PCDHGA8: variants seen among roughly 807,000 people sequenced by gnomAD.
The protein encoded by PCDHGA8 is protocadherin gamma-A8.
Under a neutral mutation model 59.2 loss-of-function variants are expected in PCDHGA8, and 45 were observed. That is an observed-to-expected ratio of 0.76 (90% confidence interval 0.60 to 0.98). The LOEUF is 0.98. Among genes scored for constraint, PCDHGA8 ranks in the 50% least tolerant of loss-of-function variants. The pLI, the probability that PCDHGA8 is intolerant of heterozygous loss-of-function variation, is 0.00. For missense variants in PCDHGA8, 1,257 were observed against 1,196.2 expected, an observed-to-expected ratio of 1.05 and a Z score of -0.75; for synonymous variants, 531 against 519.0, an observed-to-expected ratio of 1.02 and a Z score of -0.32.
At position 141,489,314 on chromosome 5, in the gene PCDHGA8, G is replaced by C. The variant is rs374235290; in HGVS notation, c.2425-5493G>C. The stretch of plus-strand genomic sequence containing the variant: ...TGCATGTTGTCCTTGTGCTGCTGGG[G>C]CTGGGTGTCTGGGCAGCTTCGTTAC... On this transcript the variant is annotated intron_variant, in intron 1 of 3. Coordinates refer to ENST00000398604, the MANE Select transcript of PCDHGA8 (RefSeq NM_032088.2). This position sits in a 1 kb window ranked among gnomAD's most constrained non-coding sequence, Gnocchi z 4.5. 2 of 1,596,790 alleles carry C rather than the reference G, an allele frequency of 1.3e-6. No homozygotes were observed. The highest frequency in any genetic ancestry group is 2.2e-5 in the East Asian group (1 of 44,724).
chr5:141,427,704 G>A (rs2097059746), intron 1 of PCDHGA8: 1 of 966,116 alleles, frequency 1.0e-6, no homozygotes, highest in Non-Finnish European at 1.6e-6. Flanking sequence ...ACAAGTCAGC[G>A]CCTCTGACCT....
chr5:141,497,702 G>A (rs904199928), intron 2 of PCDHGA8, among the ~76,000 whole-genome samples: 16 of 152,054 alleles, frequency 1.1e-4, no homozygotes, highest in African/African-American at 3.9e-4. Context: ...ACCACACCCA[G>A]CTCATTTTTG....
chr5:141,423,749 T>TG, intron 1 of PCDHGA8: 2 of 272,262 alleles, frequency 7.3e-6, no homozygotes, highest in Non-Finnish European at 4.7e-6. Flanking sequence ...TGAAAACTGT[T>TG]TGGGGGGGGG....
rs1246198657 is a variant in PCDHGA8 at position 141,505,401 on chromosome 5, A to T, written c.2492A>T (p.Asn831Ile). The change falls in exon 3 of 4, where the codon AAT (asparagine) becomes ATT (isoleucine). Residue 831 changes from asparagine (N) to isoleucine (I), a missense_variant. By Grantham distance (149) the Asn-to-Ile change is moderately radical (BLOSUM62 -3). Transcript: ENST00000398604. Reference protein sequence around the residue: ...AQRPGTSGSQNGDDTGTWPNN... With the variant: ...AQRPGTSGSQIGDDTGTWPNN... ...TCCTACTCTCTCCCCAGCTCCCAAA[A>T]TGGCGATGACACCGGCACCTGGCCC... is the stretch of plus-strand genomic sequence containing the variant. The T allele has an allele frequency of 6.2e-7, 1 of 1,614,058 alleles. No individual in the cohort carries two copies. Among genetic ancestry groups the T allele is most frequent in the African/African-American group, 1.3e-5 (1 of 74,922 alleles).
chr5:141,417,965 T>C lies in PCDHGA8; in HGVS notation c.2424+22728T>C. On this transcript the variant is annotated intron_variant, in intron 1 of 3. Coordinates refer to ENST00000398604, the MANE Select transcript of PCDHGA8 (RefSeq NM_032088.2). ...CACGCTGTGTGAGCCGATCCGCTAC[T>C]CGATTCCGGAGGAGCTGGCCAAGGG... 3 of 1,613,654 alleles carry C rather than the reference T, an allele frequency of 1.9e-6. No homozygotes were observed. In the South Asian group the frequency reaches 3.3e-5, roughly 18 times the overall value.
intron 1 of PCDHGA8, among the ~76,000 whole-genome samples, chr5:141,460,117 T>G (rs1454761302): frequency 6.6e-6 from 1 of 151,982 alleles, no homozygotes; most frequent in Non-Finnish European, 1.5e-5. Context: ...ATGATTTTTA[T>G]ATATGTAATA....
intron 1 of PCDHGA8, chr5:141,418,665 A>G: frequency 6.2e-7 from 1 of 1,614,070 alleles, no homozygotes; most frequent in Middle Eastern, 1.6e-4. Flanking sequence ...GCCACTGACC[A>G]GGACGAGGGC....
intron 1 of PCDHGA8, chr5:141,417,490 T>C (rs1296739869): frequency 4.7e-6 from 1 of 210,618 alleles, no homozygotes; most frequent in Non-Finnish European, 9.3e-6. Context: ...AAGGAATCAC[T>C]GAGGAAAAAG....
intron 1 of PCDHGA8, among the ~76,000 whole-genome samples, chr5:141,465,137 GGGGA>G (rs2099097662): frequency 2.0e-5 from 3 of 151,520 alleles, no homozygotes; most frequent in Non-Finnish European, 4.4e-5. Context: ...AAAAAGTTTA[GGGGA>G]TATATGAAGG....
intron 3 of PCDHGA8, among the ~76,000 whole-genome samples, chr5:141,509,049 C>G (rs1384134813): frequency 3.3e-5 from 5 of 152,150 alleles, no homozygotes; most frequent in Non-Finnish European, 5.9e-5. Context: ...TCCCCCGCCC[C>G]CAGAAAGCTC....
chr5:141,412,093 GCA>G (rs1252719565), intron 1 of PCDHGA8: 2 of 152,146 alleles, frequency 1.3e-5, no homozygotes, highest in Non-Finnish European at 2.9e-5. Flanking sequence ...GGGTTGATGG[GCA>G]CACACAGTTG....
At chr5:141,400,385 C>G (rs903146096) in intron 1 of PCDHGA8, 1 of 1,614,074 alleles carries the variant, frequency 6.2e-7, no homozygotes, top group Admixed American at 1.7e-5. Flanking sequence ...CTATGTGTTG[C>G]ACATACAGGA....
chr5:141,417,507 A>G (rs573832786), intron 1 of PCDHGA8: 1 of 234,942 alleles, frequency 4.3e-6, no homozygotes, highest in Non-Finnish European at 8.1e-6. Context: ...AAAGATTAAA[A>G]TATTTTGGCT....
rs1199756501 is a variant in PCDHGA8 at position 141,493,222 on chromosome 5, C to A, written c.2425-1585C>A. Among the ~76,000 whole-genome samples the A allele has an allele frequency of 6.6e-6, 1 of 152,194 alleles. No individual in the cohort carries two copies. Among genetic ancestry groups the A allele is most frequent in the East Asian group, 1.9e-4 (1 of 5,196 alleles). ...ACCTCATCTCATTTGCTCTTCCCAC[C>A]ATTGCTGTTGGCTAGGTACTAACAT... On this transcript the variant is annotated intron_variant, in intron 1 of 3. Coordinates refer to ENST00000398604, the MANE Select transcript of PCDHGA8 (RefSeq NM_032088.2). This position sits in a 1 kb window ranked among gnomAD's most constrained non-coding sequence, Gnocchi z 4.3.
intron 1 of PCDHGA8, chr5:141,426,748 C>T: frequency 2.2e-6 from 1 of 455,172 alleles, no homozygotes; most frequent in African/African-American, 2.0e-5. Context: ...GGCCTGGAAT[C>T]TGCTATAGAT....
chr5:141,413,895 T>A (rs749075692), intron 1 of PCDHGA8: 2 of 1,613,308 alleles, frequency 1.2e-6, no homozygotes, highest in South Asian at 2.2e-5. Flanking sequence ...TCGATGCAAA[T>A]GACAACGCGC....
At position 141,486,882 on chromosome 5, in the gene PCDHGA8, C is replaced by T; in HGVS notation, c.2425-7925C>T. The T allele has an allele frequency of 6.2e-7, 1 of 1,614,244 alleles. No individual in the cohort carries two copies. The highest frequency in any genetic ancestry group is 1.1e-5 in the South Asian group (1 of 91,086). On this transcript the variant is annotated intron_variant, in intron 1 of 3. Transcript: ENST00000398604. This position sits in a 1 kb window ranked among gnomAD's most constrained non-coding sequence, Gnocchi z 5.0. ...GCTCCAGCTGTGCTCCGTCCTCGGG[C>T]CCGGCCTGGTTCCTTATGTCCCCAA...
chr5:141,472,068 G>C (rs1050927364), intron 1 of PCDHGA8, among the ~76,000 whole-genome samples: 7 of 151,974 alleles, frequency 4.6e-5, no homozygotes, highest in Non-Finnish European at 8.8e-5. Context: ...CATGTCTGTG[G>C]TTATATCAAT....
intron 3 of PCDHGA8, 62 bp downstream of exon 3, chr5:141,505,543 C>T: frequency 6.2e-7 from 1 of 1,609,636 alleles, no homozygotes; most frequent in Non-Finnish European, 8.5e-7. Flanking sequence ...GTGCATCTCA[C>T]AGCCACCATG....
Sources: allele counts gnomAD v4.1 joint callset (sites outside exome capture counted in the v4.1 genomes callset), GRCh38; gene constraint gnomAD v4.1.1; non-coding constraint Gnocchi (gnomAD v3.1); transcripts MANE v1.5; gene names NCBI Gene and HGNC (gene_info 2026-07-23, HGNC 2026-07-21).